Variants in SNX29 observed in about 807,000 individuals in gnomAD.
The protein encoded by SNX29 is sorting nexin-29.
In SNX29, 78 loss-of-function variants were observed where a neutral mutation model predicts 102.1. The observed-to-expected ratio is 0.76, with a 90% CI of 0.64 to 0.92. The LOEUF (loss-of-function observed/expected upper bound fraction) is 0.92. SNX29 is among the 40% of genes least tolerant of loss of function. The pLI is 0.00. For synonymous variants in SNX29, 580 were observed against 414.5 expected (o/e 1.40, Z -4.85); for missense variants, 1,280 against 1,061.7 (o/e 1.21, Z -2.86).
chr16:12,336,135 T>A (rs2081442135), intron 15 of SNX29, among the ~76,000 whole-genome samples: 1 of 151,932 alleles, frequency 6.6e-6, no homozygotes, highest in Non-Finnish European at 1.5e-5. Context: ...AATTAGGCCA[T>A]CACCACAGAC....
chr16:12,367,757 A>C (rs917888835), intron 16 of SNX29, among the ~76,000 whole-genome samples: 1 of 152,212 alleles, frequency 6.6e-6, no homozygotes, highest in Non-Finnish European at 1.5e-5. Flanking sequence ...TCGTGTTCCA[A>C]ATTATAAGAG....
intron 13 of SNX29, among the ~76,000 whole-genome samples, chr16:12,186,650 C>CT (rs1185085828): frequency 3.3e-5 from 5 of 152,210 alleles, no homozygotes; most frequent in Non-Finnish European, 7.3e-5. Context: ...AGGCATTGCA[C>CT]TGAAGGGTCC....
chr16:12,141,816 C>T (rs983649747), intron 13 of SNX29, among the ~76,000 whole-genome samples: 1 of 152,204 alleles, frequency 6.6e-6, no homozygotes, highest in African/African-American at 2.4e-5. Flanking sequence ...TTCCTTACAG[C>T]ATCCTGTTTT....
intron 3 of SNX29, among the ~76,000 whole-genome samples, chr16:12,014,399 A>G (rs1277411570): frequency 1.3e-5 from 2 of 152,072 alleles, no homozygotes; most frequent in African/African-American, 4.8e-5. Context: ...AGATCTGTCT[A>G]TACCAGGGAG....
At chr16:12,330,676 T>G (rs1315432656) in intron 15 of SNX29, among the ~76,000 whole-genome samples, 1 of 152,230 alleles carries the variant, frequency 6.6e-6, no homozygotes, top group East Asian at 1.9e-4. Flanking sequence ...GCCCTGGTTC[T>G]TAACCAGCAC....
chr16:12,527,576 ATCTCG>A (rs1567657402), intron 20 of SNX29, among the ~76,000 whole-genome samples: 2 of 152,122 alleles, frequency 1.3e-5, no homozygotes, highest in African/African-American at 4.8e-5. Flanking sequence ...CACCCATCTC[ATCTCG>A]TCTTCTGGAG....
At position 12,544,950 on chromosome 16, in the gene SNX29, G is replaced by A. The variant is rs1374800939; in HGVS notation, c.2318+20109G>A. Among the ~76,000 whole-genome samples, 4 of 152,222 alleles carry A rather than the reference G, an allele frequency of 2.6e-5. No homozygotes were observed. The South Asian group carries it at 8.3e-4, about 31-fold the overall frequency. ...TCATCCCTTGTTCACTGTATTTCCA[G>A]ATGAGGAAACAGGCTCAGAGAGATT... On this transcript the variant is annotated intron_variant, in intron 20 of 20. Coordinates refer to ENST00000566228, the MANE Select transcript of SNX29 (RefSeq NM_032167.5).
chr16:12,138,398 G>A (rs939897706), intron 13 of SNX29, among the ~76,000 whole-genome samples: 1 of 151,758 alleles, frequency 6.6e-6, no homozygotes, highest in Non-Finnish European at 1.5e-5. Flanking sequence ...AGTAGAGATG[G>A]GGTTTCACCA....
chr16:12,101,866 A>G (rs1267687955), intron 11 of SNX29, among the ~76,000 whole-genome samples: 2 of 152,142 alleles, frequency 1.3e-5, no homozygotes, highest in East Asian at 1.9e-4. Context: ...TGCTGCACCC[A>G]TCAGCCCGTC....
intron 14 of SNX29, among the ~76,000 whole-genome samples, chr16:12,221,138 G>A (rs187953779): frequency 2.6e-5 from 4 of 151,412 alleles, no homozygotes; most frequent in Admixed American, 6.6e-5. Context: ...CATTCCACTC[G>A]GCATTTTCTG....
chr16:12,088,230 C>G (rs1256866470), intron 11 of SNX29: 1 of 410,348 alleles, frequency 2.4e-6, no homozygotes, highest in Non-Finnish European at 4.9e-6. Context: ...GTCAGCTGAT[C>G]CAGCACCTGC....
chr16:12,554,999 C>T (rs1003072960), intron 20 of SNX29, among the ~76,000 whole-genome samples: 3 of 151,990 alleles, frequency 2.0e-5, no homozygotes, highest in African/African-American at 4.8e-5. Context: ...ACCTTTCTTT[C>T]TTGCAGAGGC....
chr16:12,383,805 A>G (rs1285969432), intron 16 of SNX29, among the ~76,000 whole-genome samples: 3 of 128,160 alleles, frequency 2.3e-5, no homozygotes, highest in South Asian at 2.4e-4. Flanking sequence ...ATCAAATACC[A>G]TATCTTATTC....
chr16:12,038,262 G>A (rs912454494), intron 4 of SNX29, among the ~76,000 whole-genome samples: 2 of 152,200 alleles, frequency 1.3e-5, no homozygotes, highest in Non-Finnish European at 2.9e-5. Context: ...GTCACACAGT[G>A]CCTGAACTAG....
At chr16:12,332,222 C>T (rs747494246) in intron 15 of SNX29, among the ~76,000 whole-genome samples, 11 of 152,184 alleles carry the variant, frequency 7.2e-5, no homozygotes, top group East Asian at 5.8e-4. Flanking sequence ...GGTGTGCGTG[C>T]GGTGTGTGCA....
Position 12,544,782 on chromosome 16 carries a change from C to T in SNX29, c.2318+19941C>T, listed in dbSNP as rs777307025. Among the ~76,000 whole-genome samples the T allele has an allele frequency of 7.9e-5, 12 of 152,208 alleles. No homozygotes were observed. The South Asian group carries it at 1.0e-3, about 13-fold the overall frequency. ...TCTGGGTCGCACAGCTGGTAAACTG[C>T]AGAGCCAGGATTCTAGAGACCAAAC... On this transcript the variant is annotated intron_variant, in intron 20 of 20. Transcript: ENST00000566228.
At chr16:12,307,231 C>G (rs560938830) in intron 15 of SNX29, among the ~76,000 whole-genome samples, 1 of 152,276 alleles carries the variant, frequency 6.6e-6, no homozygotes, top group East Asian at 1.9e-4. Flanking sequence ...ACATTTTTTC[C>G]TCGCTCACAT....
chr16:12,131,468 G>T (rs1029017303), intron 13 of SNX29, among the ~76,000 whole-genome samples: 1 of 152,068 alleles, frequency 6.6e-6, no homozygotes, highest in Non-Finnish European at 1.5e-5. Flanking sequence ...GAGTGCAAAA[G>T]CAGCTTTTAT....
intron 8 of SNX29, among the ~76,000 whole-genome samples, chr16:12,054,499 C>T (rs1223100501): frequency 1.3e-5 from 2 of 152,220 alleles, no homozygotes; most frequent in Non-Finnish European, 2.9e-5. Flanking sequence ...CATTGAAGGC[C>T]TGAACAGAAC....
Sources: allele counts gnomAD v4.1 joint callset (sites outside exome capture counted in the v4.1 genomes callset), GRCh38; gene constraint gnomAD v4.1.1; transcripts MANE v1.5; gene names NCBI Gene and HGNC (gene_info 2026-07-23, HGNC 2026-07-21).